Variants in PHLPP1 observed in about 807,000 individuals in gnomAD.
The protein encoded by PHLPP1 is PH domain leucine-rich repeat-containing protein phosphatase 1.
In PHLPP1, 42 loss-of-function variants were observed where a neutral mutation model predicts 117.2. The ratio of observed to expected loss-of-function variants is 0.36; its 90% CI spans 0.28 to 0.46. The LOEUF is 0.46. Among genes scored for constraint, PHLPP1 ranks in the 20% least tolerant of loss-of-function variants. The pLI, the probability that PHLPP1 is intolerant of heterozygous loss-of-function variation, is 1.00. For missense variants in PHLPP1, 2,084 were observed against 2,241.9 expected (o/e 0.93, Z 1.42); for synonymous variants, 1,042 against 970.7 (o/e 1.07, Z -1.37).
chr18:62,900,710 C>T (rs1916703082), intron 6 of PHLPP1, among the ~76,000 whole-genome samples: 1 of 151,938 alleles, frequency 6.6e-6, no homozygotes, highest in African/African-American at 2.4e-5. Context: ...TTCAGCCTCC[C>T]AAAGTGGTAG....
chr18:62,923,223 A>G (rs1909529304), intron 10 of PHLPP1, among the ~76,000 whole-genome samples: 1 of 152,138 alleles, frequency 6.6e-6, no homozygotes, highest in Admixed American at 6.5e-5. Flanking sequence ...GGAGGCTGCG[A>G]GGGGAGGACA....
At chr18:62,724,518 A>C (rs1365508321) in intron 1 of PHLPP1, among the ~76,000 whole-genome samples, 1 of 152,218 alleles carries the variant, frequency 6.6e-6, no homozygotes, top group Non-Finnish European at 1.5e-5. Context: ...GAGGTAAAGA[A>C]TCTGGTCCAG....
At chr18:62,887,711 G>T (rs554720626) in intron 4 of PHLPP1, among the ~76,000 whole-genome samples, 1 of 152,158 alleles carries the variant, frequency 6.6e-6, no homozygotes, top group South Asian at 2.1e-4. Context: ...TTCAACATGG[G>T]AATTTTGTTT....
intron 13 of PHLPP1, 79 bp from the exon 14 acceptor site, chr18:62,963,289 T>C (rs914097018): frequency 2.2e-6 from 2 of 921,560 alleles, no homozygotes; most frequent in African/African-American, 3.3e-5. Context: ...AGGTGTATTT[T>C]TTATTTCTTG....
At chr18:62,940,489 C>T (rs1431581440) in intron 10 of PHLPP1, among the ~76,000 whole-genome samples, 5 of 150,922 alleles carry the variant, frequency 3.3e-5, no homozygotes, top group Admixed American at 2.6e-4. Context: ...CTCAGCCTCC[C>T]GAGTAGCTGG....
chr18:62,867,915 C>G (rs1915807222), intron 4 of PHLPP1, among the ~76,000 whole-genome samples: 1 of 151,980 alleles, frequency 6.6e-6, no homozygotes, highest in Admixed American at 6.6e-5. Context: ...AGATTCACGC[C>G]ATTCTCCTGC....
chr18:62,858,322 G>A (rs1036429022), intron 3 of PHLPP1, among the ~76,000 whole-genome samples: 2 of 150,496 alleles, frequency 1.3e-5, no homozygotes, highest in African/African-American at 2.4e-5. Context: ...GACTGCAATG[G>A]CACGATCTCA....
intron 11 of PHLPP1, among the ~76,000 whole-genome samples, chr18:62,943,863 G>A (rs764669384): frequency 7.9e-5 from 12 of 151,934 alleles, no homozygotes; most frequent in Non-Finnish European, 1.6e-4. Flanking sequence ...TCAGAAATTC[G>A]GGCTATCATA....
intron 13 of PHLPP1, among the ~76,000 whole-genome samples, chr18:62,960,377 A>G (rs1910733042): frequency 6.6e-6 from 1 of 152,244 alleles, no homozygotes; most frequent in South Asian, 2.1e-4. Flanking sequence ...ATTGGTTTCA[A>G]TATTTATGTC....
intron 4 of PHLPP1, among the ~76,000 whole-genome samples, chr18:62,868,640 A>G (rs1402150258): frequency 1.3e-5 from 2 of 151,474 alleles, no homozygotes; most frequent in Non-Finnish European, 2.9e-5. Context: ...AAAAAAAAAA[A>G]GTTGTATCTT....
Position 62,740,713 on chromosome 18 carries a change from C to A in PHLPP1, c.1576+23454C>A, listed in dbSNP as rs372001082. Among the ~76,000 whole-genome samples, 115 of 152,344 alleles carry A rather than the reference C, an allele frequency of 7.5e-4. 1 individual carries two copies. The Middle Eastern group carries it at 0.01, about 14-fold the overall frequency. On this transcript the variant is annotated intron_variant, in intron 1 of 16. Transcript: ENST00000262719. ...TATGGCTGGGCATGGTGGCTCATGC[C>A]TGTAATCCCAGCACTTTGGGAGACT...
chr18:62,826,535 G>T (rs946859383), intron 1 of PHLPP1, among the ~76,000 whole-genome samples: 4 of 152,108 alleles, frequency 2.6e-5, no homozygotes, highest in Non-Finnish European at 5.9e-5. Flanking sequence ...TATAGATTTT[G>T]CTTTAAGCAA....
intron 1 of PHLPP1, among the ~76,000 whole-genome samples, chr18:62,769,949 C>A (rs1912699420): frequency 6.6e-6 from 1 of 152,180 alleles, no homozygotes; most frequent in Non-Finnish European, 1.5e-5. Flanking sequence ...AAATCTTGGA[C>A]AACTCATAGT....
chr18:62,773,265 A>G (rs1189319217), intron 1 of PHLPP1, among the ~76,000 whole-genome samples: 1 of 152,186 alleles, frequency 6.6e-6, no homozygotes, highest in Non-Finnish European at 1.5e-5. Context: ...GCTGGAAAAC[A>G]TCAAGCAGTA....
rs772545306 is a variant in PHLPP1, at chr18:62,717,172, C to T, written c.1489C>T (p.Leu497Phe). 7 of 1,613,592 alleles carry T rather than the reference C, an allele frequency of 4.3e-6. No individual in the cohort carries two copies. Among genetic ancestry groups the T allele is most frequent in the African/African-American group, 1.3e-5 (1 of 75,048 alleles). Reference sequence around the variant, plus strand: ...GCCATTGCAGATCCAAAATGACTACCTCTTCCAACTGGGATTTGGGGAGCT... The same window carrying T: ...GCCATTGCAGATCCAAAATGACTACTTCTTCCAACTGGGATTTGGGGAGCT... Reference protein sequence around the residue: ...EKPLQIQNDYLFQLGFGELWR... With the variant: ...EKPLQIQNDYFFQLGFGELWR... The change falls in exon 1 of 17, where the codon CTC (leucine) becomes TTC (phenylalanine). Residue 497 changes from leucine to phenylalanine, a missense_variant. Physicochemically the swap from Leu to Phe is conservative, Grantham distance 22 (BLOSUM62 0). Coordinates refer to ENST00000262719, the MANE Select transcript of PHLPP1 (RefSeq NM_194449.4).
At chr18:62,819,572 A>G (rs1914386959) in intron 1 of PHLPP1, among the ~76,000 whole-genome samples, 1 of 152,218 alleles carries the variant, frequency 6.6e-6, no homozygotes, top group Non-Finnish European at 1.5e-5. Context: ...AAAGGAGTAA[A>G]TGTTTCAGTT....
intron 1 of PHLPP1, among the ~76,000 whole-genome samples, chr18:62,825,268 CT>C (rs1297503887): frequency 6.6e-6 from 1 of 151,560 alleles, no homozygotes; most frequent in Non-Finnish European, 1.5e-5. Context: ...CCAATATGTA[CT>C]TTCTCAAATA....
chr18:62,770,193 C>T (rs1002384152), intron 1 of PHLPP1, among the ~76,000 whole-genome samples: 2 of 152,148 alleles, frequency 1.3e-5, no homozygotes, highest in South Asian at 4.1e-4. Context: ...TCATTGCAAC[C>T]TCCGCCTCCT....
At chr18:62,788,628 T>C (rs767792707) in intron 1 of PHLPP1, among the ~76,000 whole-genome samples, 1 of 152,146 alleles carries the variant, frequency 6.6e-6, no homozygotes, top group African/African-American at 2.4e-5. Context: ...TCACCATAAA[T>C]TGTAATTAAA....
Sources: gnomAD v4.1 joint callset for allele counts (sites outside exome capture counted in the v4.1 genomes callset) on GRCh38, gnomAD v4.1.1 for gene constraint, MANE v1.5 for transcripts, NCBI Gene and HGNC (gene_info 2026-07-23, HGNC 2026-07-21) for gene names.